SIRPG: variants seen among roughly 807,000 people sequenced by gnomAD.
SIRPG encodes signal-regulatory protein gamma.
Under a neutral mutation model 35.7 loss-of-function variants are expected in SIRPG, and 38 were observed. That is an observed-to-expected ratio of 1.06 (90% CI 0.82 to 1.40). The LOEUF (loss-of-function observed/expected upper bound fraction) is 1.40, where lower values mean the gene tolerates loss of function less well. Ranked by LOEUF, SIRPG falls within the 40% of genes most tolerant of loss-of-function variation. The pLI is 0.00. For missense variants in SIRPG, 519 were observed against 483.0 expected (o/e 1.07, Z -0.70); for synonymous variants, 215 against 190.4 (o/e 1.13, Z -1.06).
chr20:1,654,163 C>T (rs146240826), intron 1 of SIRPG, among the ~76,000 whole-genome samples: 194 of 151,414 alleles, frequency 1.3e-3, no homozygotes, highest in African/African-American at 4.5e-3. Flanking sequence ...CACTTGAACC[C>T]GGGAGGTGGA....
intron 2 of SIRPG, among the ~76,000 whole-genome samples, chr20:1,638,780 C>A (rs1568727861): frequency 6.9e-6 from 1 of 144,316 alleles, no homozygotes; most frequent in Non-Finnish European, 1.5e-5. Flanking sequence ...ACCCCCCCAC[C>A]CCTTGACTGG....
chr20:1,667,717 G>A, the SIRPG span, among the ~76,000 whole-genome samples: 3 of 152,166 alleles, frequency 2.0e-5, no homozygotes, highest in Non-Finnish European at 4.4e-5. Flanking sequence ...CTGAGCAGTG[G>A]CTGTATATGC....
At chr20:1,638,811 C>T (rs1233261447) in intron 2 of SIRPG, among the ~76,000 whole-genome samples, 1 of 147,698 alleles carries the variant, frequency 6.8e-6, no homozygotes, top group Non-Finnish European at 1.5e-5. Context: ...TGTTGTTCCC[C>T]TCCCTGCGTC....
the SIRPG span, among the ~76,000 whole-genome samples, chr20:1,679,433 T>C: frequency 6.6e-6 from 1 of 152,112 alleles, no homozygotes; most frequent in Admixed American, 6.5e-5. Flanking sequence ...AGTAGAGTAG[T>C]GGCATTAAAA....
chr20:1,637,997 T>G (rs1312683699), intron 2 of SIRPG, among the ~76,000 whole-genome samples: 1 of 152,188 alleles, frequency 6.6e-6, no homozygotes, highest in African/African-American at 2.4e-5. Context: ...CCCTACCACA[T>G]GCAAACATTT....
intron 4 of SIRPG, among the ~76,000 whole-genome samples, chr20:1,634,386 T>C (rs545347783): frequency 2.6e-4 from 39 of 151,986 alleles, no homozygotes; most frequent in African/African-American, 9.4e-4. Flanking sequence ...TTTTTGTATT[T>C]TTAGTAGAGA....
chr20:1,681,068 A>G, the SIRPG span, among the ~76,000 whole-genome samples: 1 of 152,244 alleles, frequency 6.6e-6, no homozygotes, highest in Non-Finnish European at 1.5e-5. Flanking sequence ...TACTTTCTTA[A>G]GAGACTGAAA....
chr20:1,682,107 T>C, the SIRPG span, among the ~76,000 whole-genome samples: 2 of 152,182 alleles, frequency 1.3e-5, no homozygotes, highest in African/African-American at 4.8e-5. Flanking sequence ...TGAGGGACTA[T>C]GCATTTTACC....
At chr20:1,653,336 T>C (rs1208982226) in intron 1 of SIRPG, among the ~76,000 whole-genome samples, 1 of 152,224 alleles carries the variant, frequency 6.6e-6, no homozygotes, top group Non-Finnish European at 1.5e-5. Flanking sequence ...CTACCTTGTA[T>C]ATAATGATCA....
intron 2 of SIRPG, chr20:1,648,042 G>A (rs1026868726): frequency 6.6e-6 from 1 of 152,180 alleles, no homozygotes; most frequent in Non-Finnish European, 1.5e-5. Flanking sequence ...TGTGGACAAG[G>A]CCCCTATCAT....
chr20:1,640,535 A>G (rs1349888013), intron 2 of SIRPG, among the ~76,000 whole-genome samples: 8 of 152,214 alleles, frequency 5.3e-5, no homozygotes, highest in Non-Finnish European at 1.0e-4. Context: ...TTCTAAATAT[A>G]GAATCATGTC....
intron 4 of SIRPG, 103 bp downstream of exon 4, chr20:1,635,164 T>G: frequency 1.0e-6 from 1 of 954,020 alleles, no homozygotes; most frequent in South Asian, 1.8e-5. Context: ...CATTAAAATT[T>G]TACTTTGTAT....
intron 1 of SIRPG, among the ~76,000 whole-genome samples, chr20:1,655,443 T>C (rs1324900485): frequency 3.3e-5 from 5 of 152,032 alleles, no homozygotes; most frequent in Non-Finnish European, 4.4e-5. Flanking sequence ...ACAAACACTG[T>C]ATGATTTCAC....
chr20:1,663,720 A>G, the SIRPG span, among the ~76,000 whole-genome samples: 66 of 152,382 alleles, frequency 4.3e-4, no homozygotes, highest in African/African-American at 1.5e-3. Flanking sequence ...AAAGAAATCA[A>G]AGAGGACTCC....
chr20:1,673,636 C>A, the SIRPG span, among the ~76,000 whole-genome samples: 1 of 151,950 alleles, frequency 6.6e-6, no homozygotes, highest in African/African-American at 2.4e-5. Flanking sequence ...ACAAAAGGAG[C>A]AGAAACCACC....
chr20:1,655,241 G>A (rs980203498), intron 1 of SIRPG, among the ~76,000 whole-genome samples: 1 of 152,148 alleles, frequency 6.6e-6, no homozygotes, highest in African/African-American at 2.4e-5. Context: ...GTCCATTGCA[G>A]CATTATTTAC....
At chr20:1,641,065 G>T (rs1419655542) in intron 2 of SIRPG, among the ~76,000 whole-genome samples, 1 of 152,070 alleles carries the variant, frequency 6.6e-6, no homozygotes, top group African/African-American at 2.4e-5. Flanking sequence ...CTGGCCTGAT[G>T]TTTTCTTTTT....
chr20:1,685,567 G>A, the SIRPG span, among the ~76,000 whole-genome samples: 1 of 152,162 alleles, frequency 6.6e-6, no homozygotes, highest in African/African-American at 2.4e-5. Context: ...AAAGTGCAAG[G>A]AAGTAAATGT....
upstream of SIRPG, among the ~76,000 whole-genome samples, chr20:1,658,163 G>A (rs2091985822): frequency 6.6e-6 from 1 of 152,194 alleles, no homozygotes; most frequent in Admixed American, 6.5e-5. Context: ...CACTCCGCTG[G>A]ACGTAGGAGA....
Sources: gnomAD v4.1 joint callset for allele counts (sites outside exome capture counted in the v4.1 genomes callset) on GRCh38, gnomAD v4.1.1 for gene constraint, MANE v1.5 for transcripts, NCBI Gene and HGNC (gene_info 2026-07-23, HGNC 2026-07-21) for gene names.